Variants in ANK1 observed in about 807,000 individuals in gnomAD.
ANK1 encodes ankyrin 1.
ANK1 carries 51 observed loss-of-function variants against 210.4 expected under a neutral mutation model. The ratio of observed to expected loss-of-function variants is 0.24; its 90% CI spans 0.19 to 0.31. ANK1 has a LOEUF of 0.31. ANK1 is among the 10% of genes least tolerant of loss of function. The pLI is 1.00. For synonymous variants in ANK1, 967 were observed against 1,025.9 expected, an observed-to-expected ratio of 0.94 and a Z score of 1.10; for missense variants, 2,051 against 2,504.4, an observed-to-expected ratio of 0.82 and a Z score of 3.86.
chr8:41,832,626 C>T (rs1806889713), intron 1 of ANK1, among the ~76,000 whole-genome samples: 3 of 152,188 alleles, frequency 2.0e-5, no homozygotes. Flanking sequence ...GGGAGGACCC[C>T]CTCTTCTTGT....
chr8:41,693,352 T>C, intron 29 of ANK1, 151 bp from the exon 30 acceptor site: 1 of 660,316 alleles, frequency 1.5e-6, no homozygotes, highest in Non-Finnish European at 2.7e-6. Flanking sequence ...CCCGCTGCTC[T>C]TCCTCCTAGC....
chr8:41,803,001 G>GAGAGAAAGAA (rs1850195448), intron 1 of ANK1, among the ~76,000 whole-genome samples: 1 of 72,706 alleles, frequency 1.4e-5, no homozygotes, highest in Non-Finnish European at 2.5e-5. Flanking sequence ...AAGAGAGAAA[G>GAGAGAAAGAA]AAAGAAAGAA....
chr8:41,697,280 C>T (rs1821326356), intron 24 of ANK1, among the ~76,000 whole-genome samples: 1 of 152,192 alleles, frequency 6.6e-6, no homozygotes, highest in Non-Finnish European at 1.5e-5. Flanking sequence ...TGCCTCCTCA[C>T]CTGTGCAACG....
At chr8:41,857,158 G>A (rs1812345650) in intron 1 of ANK1, among the ~76,000 whole-genome samples, 1 of 149,332 alleles carries the variant, frequency 6.7e-6, no homozygotes, top group Admixed American at 6.7e-5. Flanking sequence ...GGGATTACAG[G>A]CATGAGCTAC....
At chr8:41,698,783 T>C (rs1197404379) in intron 23 of ANK1, among the ~76,000 whole-genome samples, 1 of 150,318 alleles carries the variant, frequency 6.7e-6, no homozygotes, top group Admixed American at 6.7e-5. Flanking sequence ...TAGTTTCTAA[T>C]GTGAATCTTC....
chr8:41,865,940 C>A (rs1434996744), intron 1 of ANK1, among the ~76,000 whole-genome samples: 1 of 152,204 alleles, frequency 6.6e-6, no homozygotes, highest in African/African-American at 2.4e-5. Flanking sequence ...CAGTGCCACT[C>A]CAATGCATTC....
At chr8:41,733,928 T>C (rs1322924527) in intron 3 of ANK1, 43 bp downstream of exon 3, 3 of 1,562,314 alleles carry the variant, frequency 1.9e-6, no homozygotes, top group Admixed American at 1.7e-5. Flanking sequence ...CTCACAAACT[T>C]GAATTTTCAA....
chr8:41,672,975 C>G (rs561162233), intron 37 of ANK1, 63 bp from the exon 38 acceptor site: 34 of 1,474,974 alleles, frequency 2.3e-5, no homozygotes, highest in Non-Finnish European at 3.0e-5. Context: ...CATTCACGTG[C>G]AGGTCCACGC....
intron 1 of ANK1, among the ~76,000 whole-genome samples, chr8:41,820,327 ATGTGTG>A (rs56359274): frequency 0.14 from 19,385 of 141,876 alleles, 1,678 homozygotes; most frequent in East Asian, 0.38. Context: ...ACCAAGCTAA[ATGTGTG>A]TGTGTGTGTG....
intron 1 of ANK1, among the ~76,000 whole-genome samples, chr8:41,885,992 G>C (rs955822858): frequency 2.6e-5 from 4 of 152,182 alleles, no homozygotes; most frequent in African/African-American, 9.7e-5. Context: ...CTCCAGAAAG[G>C]CTAACACTGC....
At chr8:41,660,156 G>A (rs898287564) in intron 42 of ANK1, among the ~76,000 whole-genome samples, 81 of 152,188 alleles carry the variant, frequency 5.3e-4, no homozygotes, top group African/African-American at 1.7e-3. Context: ...GGGTTAACAC[G>A]GTGACCTCCT....
intron 1 of ANK1, among the ~76,000 whole-genome samples, chr8:41,825,119 G>A (rs1204654549): frequency 6.6e-6 from 1 of 152,248 alleles, no homozygotes; most frequent in Non-Finnish European, 1.5e-5. Flanking sequence ...CTTCCAGGTG[G>A]AAACAGGAAC....
chr8:41,777,674 G>A (rs1009920584), intron 1 of ANK1, among the ~76,000 whole-genome samples: 2 of 152,202 alleles, frequency 1.3e-5, no homozygotes, highest in South Asian at 4.1e-4. Flanking sequence ...TTCCAGCTCT[G>A]CAGTTCCATG....
In ANK1 at chr8:41,695,190, G is replaced by A. The variant is rs145169484; in HGVS notation, c.3102C>T (p.Asn1034=). 5.3e-4 allele frequency: 848 copies of A among 1,614,150 alleles called. 1 individual carries two copies. The highest frequency in any genetic ancestry group is 2.2e-3 in the African/African-American group (167 of 75,038). The change falls in exon 27 of 43, where the codon AAC becomes AAT. Residue 1034 remains asparagine (N), a synonymous_variant. Coordinates refer to ENST00000289734, the MANE Select transcript of ANK1 (RefSeq NM_000037.4). ...CCCCGCCCCTACCTTCGTCCATCCC[G>A]TTGAGGATCTGATCCAGGTAGCTCT... The part of the protein sequence containing the change: ...YGESYLDQIL[N]GMDEELGSLE...
At chr8:41,858,813 A>C (rs1426428548) in intron 1 of ANK1, among the ~76,000 whole-genome samples, 1 of 152,284 alleles carries the variant, frequency 6.6e-6, no homozygotes, top group East Asian at 1.9e-4. Flanking sequence ...AACACCTGGT[A>C]TCAGGGTGAC....
At chr8:41,832,461 C>G (rs950715968) in intron 1 of ANK1, among the ~76,000 whole-genome samples, 1 of 152,162 alleles carries the variant, frequency 6.6e-6, no homozygotes, top group Non-Finnish European at 1.5e-5. Flanking sequence ...ATTAACACCC[C>G]CTCCTCCATG....
Position 41,672,464 on chromosome 8 carries a change from T to C in ANK1, c.4986A>G (p.Ala1662=). ...ACACTTCATTCTCTGAGTCCTGCCC[T>C]GCACCTGTCGCGTCATCCTGCCTCT... ...GSKRQDDATG[A]GQDSENEVSL... is the part of the protein sequence containing the mutation. Residue 1662 remains alanine (A), a synonymous_variant, in exon 38 of 43, where the codon GCA becomes GCG. Transcript: ENST00000289734. 3 of 1,614,256 alleles carry C rather than the reference T, an allele frequency of 1.9e-6. No homozygotes were observed. The highest frequency in any genetic ancestry group is 2.5e-6 in the Non-Finnish European group (3 of 1,180,042).
At chr8:41,667,490 T>C (rs1284605736) in intron 39 of ANK1, among the ~76,000 whole-genome samples, 1 of 152,088 alleles carries the variant, frequency 6.6e-6, no homozygotes, top group African/African-American at 2.4e-5. Context: ...GGCCAGGATA[T>C]GCTTCCAAAT....
intron 1 of ANK1, among the ~76,000 whole-genome samples, chr8:41,769,725 G>A (rs1204009502): frequency 2.0e-5 from 3 of 151,982 alleles, no homozygotes; most frequent in South Asian, 2.1e-4. Context: ...AAGATAATGG[G>A]CATAATCACC....
Sources: gnomAD v4.1 joint callset for allele counts (sites outside exome capture counted in the v4.1 genomes callset) on GRCh38, gnomAD v4.1.1 for gene constraint, MANE v1.5 for transcripts, NCBI Gene and HGNC (gene_info 2026-07-23, HGNC 2026-07-21) for gene names.